The following SPTB variants were observed in gnomAD, a reference collection of about 807,000 sequenced individuals.
SPTB encodes the protein spectrin beta, erythrocytic.
Under a neutral mutation model 256.2 loss-of-function variants are expected in SPTB, and 45 were observed. The ratio of observed to expected loss-of-function variants is 0.18; its 90% CI spans 0.14 to 0.23. SPTB has a LOEUF of 0.23. Among genes scored for constraint, SPTB ranks in the 10% least tolerant of loss-of-function variants. The probability of loss-of-function intolerance (pLI) is 1.00; values close to 1 mark genes in which losing one functional copy is unlikely to be tolerated. For synonymous variants in SPTB, 1,231 were observed against 1,243.1 expected (o/e 0.99, Z 0.21); for missense variants, 2,715 against 3,040.4 (o/e 0.89, Z 2.52).
rs2082645198 is a variant in SPTB at position 64,790,106 on chromosome 14, T to C, written c.2804+1613A>G. ...GAGCAAACTTTTTAACCAAAAAGAA[T>C]TGCCCAAAAATGAGATAGGCTGCCG... is the stretch of plus-strand genomic sequence containing the variant. On this transcript the variant is annotated intron_variant, in intron 15 of 35. Transcript: ENST00000644917. This position sits in a 1 kb window ranked among gnomAD's most constrained non-coding sequence, Gnocchi z 4.8. Among the ~76,000 whole-genome samples, 1 of 152,182 alleles carries C rather than the reference T, an allele frequency of 6.6e-6. No homozygotes were observed. Among genetic ancestry groups the C allele is most frequent in the Non-Finnish European group, 1.5e-5 (1 of 68,016 alleles).
intron 2 of SPTB, among the ~76,000 whole-genome samples, chr14:64,814,390 T>C (rs1464793214): frequency 6.6e-6 from 1 of 152,208 alleles, no homozygotes; most frequent in African/African-American, 2.4e-5. Context: ...GACATTAAAG[T>C]GTCTATATGA....
At chr14:64,854,452 G>C (rs986458761) in intron 1 of SPTB, among the ~76,000 whole-genome samples, 16 of 151,074 alleles carry the variant, frequency 1.1e-4, no homozygotes, top group African/African-American at 3.9e-4. Flanking sequence ...CTAATTTTTT[G>C]TATTTTTAGT....
At chr14:64,754,267 G>A (rs1017098848) in intron 32 of SPTB, 54 of 252,782 alleles carry the variant, frequency 2.1e-4, no homozygotes, top group Middle Eastern at 1.4e-3. Flanking sequence ...AACTCTTCTG[G>A]TACTTTCAAA....
chr14:64,842,497 T>C (rs1029337774), intron 1 of SPTB, among the ~76,000 whole-genome samples: 2 of 152,214 alleles, frequency 1.3e-5, no homozygotes, highest in African/African-American at 2.4e-5. Flanking sequence ...CCCTAGGCCA[T>C]TTACTTATAG....
chr14:64,787,092 T>C lies in SPTB; in HGVS notation c.2873A>G (p.Asn958Ser). 1.2e-6 allele frequency: 2 copies of C among 1,611,886 alleles called. No individual in the cohort carries two copies. The highest frequency in any genetic ancestry group is 2.2e-5 in the East Asian group (1 of 44,874). The change falls in exon 16 of 36, where the codon AAC becomes AGC. Residue 958 changes from asparagine to serine, a missense_variant. Physicochemically the swap from Asn to Ser is conservative, Grantham distance 46 (BLOSUM62 1). Around this residue, in one of 4 missense-constraint regions of SPTB, gnomAD observed 2,239 missense variants for 2,384.4 expected, o/e 0.94. Transcript: ENST00000644917. ...EAVDSALRVH[N>S]YCVDCEETSK... Reference sequence around the variant, plus strand: ...GGTCTCCTCGCAATCTACGCAGTAGTTGTGCACTCGGAGGGCTGAGTCCAC... The same window carrying C: ...GGTCTCCTCGCAATCTACGCAGTAGCTGTGCACTCGGAGGGCTGAGTCCAC...
chr14:64,769,171 G>A (rs1487535718), intron 28 of SPTB, 53 bp from the exon 29 acceptor site: 2 of 1,539,470 alleles, frequency 1.3e-6, no homozygotes, highest in African/African-American at 1.4e-5. Flanking sequence ...TTCACCATCT[G>A]AGGCAGTGCG....
At chr14:64,789,852 C>A (rs1011496951) in intron 15 of SPTB, among the ~76,000 whole-genome samples, 5 of 152,074 alleles carry the variant, frequency 3.3e-5, no homozygotes, top group African/African-American at 1.2e-4. Context: ...CTGGCTCATG[C>A]AGAGACAGGA....
At chr14:64,819,504 G>A (rs2083251167) in intron 2 of SPTB, among the ~76,000 whole-genome samples, 1 of 152,180 alleles carries the variant, frequency 6.6e-6, no homozygotes, top group Non-Finnish European at 1.5e-5. Context: ...CCAGATGGCG[G>A]AGACACAGCC....
rs1594765667 is a variant in SPTB, at chr14:64,778,263, T to C, written c.4563+894A>G. ...GGGCTCACATGGTCCTGTGAGCAGA[T>C]GTCAGCTGCTGCCAAGCTGGGGGAA... On this transcript the variant is annotated intron_variant, in intron 22 of 35. Coordinates refer to ENST00000644917, the MANE Select transcript of SPTB (RefSeq NM_001355436.2). This position sits in a 1 kb window ranked among gnomAD's most constrained non-coding sequence, Gnocchi z 5.2. Among the ~76,000 whole-genome samples, 2 of 152,204 alleles carry C rather than the reference T, an allele frequency of 1.3e-5. No individual in the cohort carries two copies. The highest frequency in any genetic ancestry group is 4.1e-4 in the South Asian group (2 of 4,830).
intron 15 of SPTB, 39 bp from the exon 16 acceptor site, chr14:64,787,199 T>G: frequency 6.3e-7 from 1 of 1,599,234 alleles, no homozygotes; most frequent in Non-Finnish European, 8.5e-7. Context: ...GAGAGACACC[T>G]TCTCCCTTAG....
chr14:64,779,635 G>A lies in SPTB; in HGVS notation c.4473+90C>T. The A allele has an allele frequency of 2.8e-6, 4 of 1,436,660 alleles. No homozygotes were observed. The highest frequency in any genetic ancestry group is 3.9e-6 in the Non-Finnish European group (4 of 1,021,274). The allele number at this position is 1,436,660 out of a possible 1,614,324, so 89.0% of individuals were successfully genotyped here. On this transcript the variant is annotated intron_variant, in intron 21 of 35. Transcript: ENST00000644917. This position sits in a 1 kb window ranked among gnomAD's most constrained non-coding sequence, Gnocchi z 4.2. ...GGGGTGAGGTGACCAGTCATCTACT[G>A]CCAAAAATTGCTCTGGGTGGCAGCC...
In SPTB at chr14:64,823,059, G is replaced by A. The variant is rs753000108; in HGVS notation, c.36C>T (p.Asn12=). The A allele has an allele frequency of 1.9e-6, 3 of 1,614,158 alleles. No individual in the cohort carries two copies. The Admixed American group carries it at 5.0e-5, about 27-fold the overall frequency. Residue 12 remains asparagine, a synonymous_variant, in exon 2 of 36, where the codon AAC becomes AAT. Coordinates refer to ENST00000644917, the MANE Select transcript of SPTB (RefSeq NM_001355436.2). This position sits in a 1 kb window ranked among gnomAD's most constrained non-coding sequence, Gnocchi z 6.5. The part of the protein sequence containing the change: ...TSATEFENVG[N]QPPYSRINAR... Reference sequence around the variant, plus strand: ...CATTGATCCTGCTGTAAGGTGGCTGGTTGCCCACATTTTCAAACTCTGTGG... The same window carrying A: ...CATTGATCCTGCTGTAAGGTGGCTGATTGCCCACATTTTCAAACTCTGTGG...
chr14:64,780,025 G>T, intron 20 of SPTB, 94 bp from the exon 21 acceptor site: 1 of 1,144,956 alleles, frequency 8.7e-7, no homozygotes, highest in Non-Finnish European at 1.3e-6. Flanking sequence ...ATCCTTTAAG[G>T]CCCAATTTGA....
chr14:64,790,133 G>A lies in SPTB; in HGVS notation c.2804+1586C>T, dbSNP rs1163498415. Among the ~76,000 whole-genome samples, 4 of 152,168 alleles carry A rather than the reference G, an allele frequency of 2.6e-5. No individual in the cohort carries two copies. The highest frequency in any genetic ancestry group is 9.7e-5 in the African/African-American group (4 of 41,440). Reference sequence around the variant, plus strand: ...GCCCAAAAATGAGATAGGCTGCCGGGTGAGGGAGTGAGTTCCCCATCACTG... The same window carrying A: ...GCCCAAAAATGAGATAGGCTGCCGGATGAGGGAGTGAGTTCCCCATCACTG... On this transcript the variant is annotated intron_variant, in intron 15 of 35. Coordinates refer to ENST00000644917, the MANE Select transcript of SPTB (RefSeq NM_001355436.2). This position sits in a 1 kb window ranked among gnomAD's most constrained non-coding sequence, Gnocchi z 4.8.
chr14:64,800,331 G>A (rs2082859342), intron 8 of SPTB, among the ~76,000 whole-genome samples: 1 of 152,234 alleles, frequency 6.6e-6, no homozygotes, highest in African/African-American at 2.4e-5. Context: ...AGAGATGAAT[G>A]AGAAATGGTA....
At chr14:64,773,600 C>A (rs985817720) in intron 24 of SPTB, among the ~76,000 whole-genome samples, 176 bp from the exon 25 acceptor site, 1 of 152,214 alleles carries the variant, frequency 6.6e-6, no homozygotes, top group Admixed American at 6.5e-5. Context: ...AGGGGCCACA[C>A]CCTAGCCTCA....
intron 1 of SPTB, among the ~76,000 whole-genome samples, chr14:64,840,152 T>C (rs1225287590): frequency 2.0e-5 from 3 of 152,238 alleles, no homozygotes; most frequent in African/African-American, 4.8e-5. Context: ...TCATGTCTTC[T>C]GAGAGTTTGT....
At chr14:64,839,458 A>C (rs911571058) in intron 1 of SPTB, among the ~76,000 whole-genome samples, 3 of 152,204 alleles carry the variant, frequency 2.0e-5, no homozygotes, top group African/African-American at 7.2e-5. Context: ...AGAAAGGAGC[A>C]TGAGGGAATT....
chr14:64,805,218 C>G (rs939630325), intron 2 of SPTB, 128 bp from the exon 3 acceptor site: 2 of 995,300 alleles, frequency 2.0e-6, no homozygotes, highest in Non-Finnish European at 1.5e-6. Context: ...TGTATTCATT[C>G]CACTCCCTTC....
Sources: allele counts gnomAD v4.1 joint callset (sites outside exome capture counted in the v4.1 genomes callset), GRCh38; gene constraint gnomAD v4.1.1; regional missense constraint gnomAD v4.1.1; non-coding constraint Gnocchi (gnomAD v3.1); transcripts MANE v1.5; gene names NCBI Gene and HGNC (gene_info 2026-07-23, HGNC 2026-07-21).